PDZRN4: variants seen among roughly 807,000 people sequenced by gnomAD.
PDZRN4 encodes the protein PDZ domain-containing RING finger protein 4.
PDZRN4 carries 70 observed loss-of-function variants against 99.0 expected under a neutral mutation model. The observed-to-expected ratio is 0.71, with a 90% CI of 0.58 to 0.86. The LOEUF is 0.86. Among genes scored for constraint, PDZRN4 ranks in the 40% least tolerant of loss-of-function variants. The pLI, the probability that PDZRN4 is intolerant of heterozygous loss-of-function variation, is 0.00. For synonymous variants in PDZRN4, 551 were observed against 501.6 expected (o/e 1.10, Z -1.32); for missense variants, 1,474 against 1,331.2 (o/e 1.11, Z -1.67).
intron 3 of PDZRN4, among the ~76,000 whole-genome samples, chr12:41,347,210 C>T (rs1219769203): frequency 6.6e-6 from 1 of 152,036 alleles, no homozygotes; most frequent in Admixed American, 6.6e-5. Context: ...ATGTTTAACC[C>T]TTTGAAAAAC....
intron 5 of PDZRN4, among the ~76,000 whole-genome samples, chr12:41,533,801 T>G (rs551664621): frequency 6.6e-6 from 1 of 152,310 alleles, no homozygotes; most frequent in South Asian, 2.1e-4. Context: ...AATTATTTAC[T>G]TATAACTATT....
At chr12:41,435,794 GTAAAA>G (rs1007569405) in intron 3 of PDZRN4, among the ~76,000 whole-genome samples, 11 of 151,924 alleles carry the variant, frequency 7.2e-5, no homozygotes, top group African/African-American at 1.7e-4. Context: ...TCTCAAAAAA[GTAAAA>G]TAAAATAAAA....
chr12:41,279,497 A>C (rs529057860), intron 3 of PDZRN4, among the ~76,000 whole-genome samples: 59 of 152,342 alleles, frequency 3.9e-4, no homozygotes, highest in African/African-American at 1.3e-3. Flanking sequence ...AGTTTCCAAC[A>C]ATAAGTAGGA....
chr12:41,358,063 G>A (rs1951939611), intron 3 of PDZRN4, among the ~76,000 whole-genome samples: 1 of 151,954 alleles, frequency 6.6e-6, no homozygotes, highest in African/African-American at 2.4e-5. Flanking sequence ...TGTGAAACAT[G>A]GGGACAACTA....
chr12:41,189,244 C>G lies in PDZRN4; in HGVS notation c.648+141C>G, dbSNP rs187185901. ...AGGAAACATCCACACCCTGATCATA[C>G]TTTCCTGTCATTATCTTACGAATGG... On this transcript the variant is annotated intron_variant, in intron 1 of 9. Transcript: ENST00000402685. 137 of 729,074 alleles carry G rather than the reference C, an allele frequency of 1.9e-4. 1 individual carries two copies. The African/African-American group carries it at 2.3e-3, about 12-fold the overall frequency. The allele number at this position is 729,074 out of a possible 1,614,324, so 45.2% of individuals were successfully genotyped here.
chr12:41,211,090 G>C (rs190712691), intron 3 of PDZRN4, among the ~76,000 whole-genome samples: 3 of 151,924 alleles, frequency 2.0e-5, no homozygotes, highest in African/African-American at 7.2e-5. Flanking sequence ...AGTGTTTCAC[G>C]CCCTCAGGAA....
intron 3 of PDZRN4, among the ~76,000 whole-genome samples, chr12:41,493,703 T>G (rs1355420217): frequency 1.3e-5 from 2 of 152,126 alleles, no homozygotes; most frequent in Non-Finnish European, 2.9e-5. Context: ...AGTGATTGTG[T>G]CCACGAAGGT....
At chr12:41,328,209 T>C (rs2120986697) in intron 3 of PDZRN4, among the ~76,000 whole-genome samples, 1 of 152,244 alleles carries the variant, frequency 6.6e-6, no homozygotes, top group African/African-American at 2.4e-5. Flanking sequence ...ATTGACTTTA[T>C]ACAAAAAGCA....
intron 3 of PDZRN4, among the ~76,000 whole-genome samples, chr12:41,490,981 C>A (rs1192958003): frequency 6.6e-6 from 1 of 152,106 alleles, no homozygotes; most frequent in African/African-American, 2.4e-5. Flanking sequence ...CTTCCGTACT[C>A]TAAGTAGCAC....
chr12:41,341,233 T>G (rs541085515), intron 3 of PDZRN4, among the ~76,000 whole-genome samples: 46 of 151,534 alleles, frequency 3.0e-4, no homozygotes, highest in African/African-American at 1.1e-3. Flanking sequence ...AGGCCATGTA[T>G]GACAAACCTG....
chr12:41,437,569 T>G (rs1377895567), intron 3 of PDZRN4: 2 of 242,376 alleles, frequency 8.3e-6, no homozygotes, highest in Non-Finnish European at 1.5e-5. Flanking sequence ...TCATCTGTCA[T>G]CAGCAGCAGC....
At chr12:41,451,692 T>G (rs1264744942) in intron 3 of PDZRN4, among the ~76,000 whole-genome samples, 1 of 152,210 alleles carries the variant, frequency 6.6e-6, no homozygotes, top group African/African-American at 2.4e-5. Flanking sequence ...TCTTCTCTGA[T>G]GGACTGCCGT....
At chr12:41,260,923 G>A (rs1024581207) in intron 3 of PDZRN4, among the ~76,000 whole-genome samples, 27 of 151,954 alleles carry the variant, frequency 1.8e-4, no homozygotes, top group Admixed American at 1.1e-3. Context: ...ATCACCCCCC[G>A]TAGTCAAGAT....
intron 3 of PDZRN4, among the ~76,000 whole-genome samples, chr12:41,438,635 T>C (rs1043470579): frequency 6.6e-6 from 1 of 152,222 alleles, no homozygotes; most frequent in African/African-American, 2.4e-5. Context: ...AGAAATTAAT[T>C]TTGAGAGCTT....
chr12:41,431,741 G>A lies in PDZRN4; in HGVS notation c.844-74715G>A, dbSNP rs777158598. Among the ~76,000 whole-genome samples, 305 of 152,276 alleles carry A rather than the reference G, an allele frequency of 2.0e-3. 3 individuals are homozygous for A. The highest frequency in any genetic ancestry group is 7.5e-4 in the Non-Finnish European group (51 of 68,016). On this transcript the variant is annotated intron_variant, in intron 3 of 9. Coordinates refer to ENST00000402685, the MANE Select transcript of PDZRN4 (RefSeq NM_001164595.2). ...TGGTGAGGCACTCTTCATTCTGCAA[G>A]CAATAACTAAATGCAAATTGAAGAT...
chr12:41,395,785 A>G (rs1308326255), intron 3 of PDZRN4, among the ~76,000 whole-genome samples: 1 of 152,140 alleles, frequency 6.6e-6, no homozygotes, highest in African/African-American at 2.4e-5. Context: ...CTGGACACAC[A>G]TTGATTTCAT....
intron 3 of PDZRN4, among the ~76,000 whole-genome samples, chr12:41,388,360 A>C (rs1454819287): frequency 6.6e-6 from 1 of 150,690 alleles, no homozygotes; most frequent in Non-Finnish European, 1.5e-5. Flanking sequence ...CAAACTACAC[A>C]TGTACCTCTG....
At chr12:41,366,429 G>A (rs887459731) in intron 3 of PDZRN4, among the ~76,000 whole-genome samples, 3 of 152,094 alleles carry the variant, frequency 2.0e-5, no homozygotes, top group Non-Finnish European at 4.4e-5. Flanking sequence ...ATATATGACT[G>A]CATCTAAATA....
rs1049110297 is a variant in PDZRN4 at position 41,287,666 on chromosome 12, C to T, written c.843+93478C>T. ...GAGTTAGGCACTTCACCATCTGAGG[C>T]AAGAAAAGAAAGAGAAAGCAACCTA... On this transcript the variant is annotated intron_variant, in intron 3 of 9. Coordinates refer to ENST00000402685, the MANE Select transcript of PDZRN4 (RefSeq NM_001164595.2). Among the ~76,000 whole-genome samples the T allele has an allele frequency of 2.2e-4, 34 of 152,254 alleles. 1 individual carries two copies. The highest frequency in any genetic ancestry group is 6.5e-4 in the Admixed American group (10 of 15,292).
Sources: allele counts gnomAD v4.1 joint callset (sites outside exome capture counted in the v4.1 genomes callset), GRCh38; gene constraint gnomAD v4.1.1; transcripts MANE v1.5; gene names NCBI Gene and HGNC (gene_info 2026-07-23, HGNC 2026-07-21).